NHSL1: variants seen among roughly 807,000 people sequenced by gnomAD.
The protein encoded by NHSL1 is NHS like 1.
NHSL1 carries 48 observed loss-of-function variants against 95.0 expected under a neutral mutation model. The observed-to-expected ratio is 0.51, with a 90% CI of 0.40 to 0.64. The LOEUF (loss-of-function observed/expected upper bound fraction) is 0.64, where lower values mean the gene tolerates loss of function less well. Among genes scored for constraint, NHSL1 ranks in the 30% least tolerant of loss-of-function variants. The pLI, the probability that NHSL1 is intolerant of heterozygous loss-of-function variation, is 0.00. For synonymous variants in NHSL1, 783 were observed against 833.9 expected (o/e 0.94, Z 1.05); for missense variants, 1,971 against 2,077.7 (o/e 0.95, Z 1.00).
intron 1 of NHSL1, among the ~76,000 whole-genome samples, chr6:138,677,337 C>A (rs1467961107): frequency 6.6e-6 from 1 of 152,098 alleles, no homozygotes; most frequent in Non-Finnish European, 1.5e-5. Context: ...AAAAGTATGT[C>A]CCTACCCTGT....
At chr6:138,434,552 T>A (rs945559596) in intron 5 of NHSL1, among the ~76,000 whole-genome samples, 8 of 149,070 alleles carry the variant, frequency 5.4e-5, no homozygotes, top group African/African-American at 1.7e-4. Flanking sequence ...AGAAAAAAAA[T>A]CACAAAGACA....
intron 1 of NHSL1, among the ~76,000 whole-genome samples, chr6:138,530,119 A>G (rs1402528558): frequency 6.6e-6 from 1 of 152,148 alleles, no homozygotes; most frequent in Admixed American, 6.5e-5. Context: ...ATGTGATGGT[A>G]TTAGGAGGTG....
At chr6:138,626,308 A>G (rs1256290014) in intron 1 of NHSL1, among the ~76,000 whole-genome samples, 3 of 152,232 alleles carry the variant, frequency 2.0e-5, no homozygotes, top group African/African-American at 7.2e-5. Flanking sequence ...ATGTTAATAC[A>G]GGAGTCTCTT....
intron 1 of NHSL1, among the ~76,000 whole-genome samples, chr6:138,683,491 C>A (rs945411791): frequency 1.3e-5 from 2 of 152,144 alleles, no homozygotes; most frequent in Admixed American, 6.5e-5. Flanking sequence ...ACTTTTGATG[C>A]GTGTCTCAAA....
intron 1 of NHSL1, among the ~76,000 whole-genome samples, chr6:138,641,225 C>A (rs1784955573): frequency 6.6e-6 from 1 of 152,196 alleles, no homozygotes; most frequent in African/African-American, 2.4e-5. Context: ...ATTACTAAAA[C>A]AAGCACTTAG....
intron 1 of NHSL1, among the ~76,000 whole-genome samples, chr6:138,687,162 C>T (rs1005655884): frequency 4.0e-5 from 6 of 151,876 alleles, no homozygotes; most frequent in Admixed American, 2.6e-4. Context: ...CAGTCAGACA[C>T]GGTGGCTCAC....
intron 1 of NHSL1, among the ~76,000 whole-genome samples, chr6:138,675,403 C>A (rs955463137): frequency 2.0e-5 from 3 of 152,162 alleles, no homozygotes; most frequent in African/African-American, 7.2e-5. Context: ...ACCCAAATCA[C>A]TCATGTTGTA....
At chr6:138,631,125 G>A (rs568266482) in intron 1 of NHSL1, among the ~76,000 whole-genome samples, 9 of 152,126 alleles carry the variant, frequency 5.9e-5, no homozygotes, top group South Asian at 2.1e-4. Context: ...AAGAAAATCC[G>A]GACCAAACTC....
intron 1 of NHSL1, among the ~76,000 whole-genome samples, chr6:138,673,558 G>A (rs1168197799): frequency 6.6e-6 from 1 of 151,970 alleles, no homozygotes; most frequent in Non-Finnish European, 1.5e-5. Context: ...AAGTCTAAAG[G>A]CTCTCACTGA....
At chr6:138,443,326 C>T (rs953201086) in intron 4 of NHSL1, among the ~76,000 whole-genome samples, 3 of 152,086 alleles carry the variant, frequency 2.0e-5, no homozygotes, top group African/African-American at 7.2e-5. Context: ...ACAACCTTGT[C>T]GCTAATGGAG....
intron 1 of NHSL1, 56 bp from the exon 2 acceptor site, chr6:138,496,427 A>C: frequency 1.3e-6 from 2 of 1,515,994 alleles, no homozygotes. Flanking sequence ...CTACGAGTTC[A>C]TTACATCATG....
intron 1 of NHSL1, chr6:138,650,754 A>T (rs1181155460): frequency 9.2e-6 from 5 of 545,328 alleles, no homozygotes; most frequent in Non-Finnish European, 1.9e-5. Flanking sequence ...CTCCTTCACA[A>T]CTTTCTTCAG....
chr6:138,642,536 G>C (rs1407955450), intron 1 of NHSL1, among the ~76,000 whole-genome samples: 1 of 152,226 alleles, frequency 6.6e-6, no homozygotes, highest in Non-Finnish European at 1.5e-5. Context: ...AGAAATCATG[G>C]AAAGTCAAAC....
At chr6:138,635,252 C>CG (rs1784872611) in intron 1 of NHSL1, among the ~76,000 whole-genome samples, 2 of 151,978 alleles carry the variant, frequency 1.3e-5, no homozygotes, top group African/African-American at 4.8e-5. Context: ...AAACATGAAA[C>CG]AAAACGTTGG....
chr6:138,675,991 A>G (rs1354621216), intron 1 of NHSL1, among the ~76,000 whole-genome samples: 3 of 152,214 alleles, frequency 2.0e-5, no homozygotes, highest in African/African-American at 7.2e-5. Context: ...CTTAAAAATT[A>G]ACTTCTGTAT....
At chr6:138,504,002 A>G (rs1384118067), upstream of NHSL1, among the ~76,000 whole-genome samples, 4 of 152,142 alleles carry the variant, frequency 2.6e-5, no homozygotes, top group African/African-American at 7.2e-5. Flanking sequence ...AGGCTGAGGC[A>G]GGAGGACTGC....
chr6:138,630,142 G>A (rs1784798689), intron 1 of NHSL1, among the ~76,000 whole-genome samples: 1 of 151,904 alleles, frequency 6.6e-6, no homozygotes, highest in Admixed American at 6.6e-5. Flanking sequence ...TTGAGCTTGG[G>A]AGTTAGAGGC....
intron 4 of NHSL1, 149 bp from the exon 5 acceptor site, chr6:138,442,263 A>G: frequency 1.3e-6 from 1 of 770,250 alleles, no homozygotes; most frequent in Non-Finnish European, 1.9e-6. Context: ...AGGGCAAAAA[A>G]GGAAGAAAAG....
At chr6:138,684,656 C>CA (rs1554260306) in intron 1 of NHSL1, among the ~76,000 whole-genome samples, 1 of 150,540 alleles carries the variant, frequency 6.6e-6, no homozygotes, top group African/African-American at 2.5e-5. Context: ...GAAAAACAAA[C>CA]AAACAAACAA....
Sources: gnomAD v4.1 joint callset for allele counts (sites outside exome capture counted in the v4.1 genomes callset) on GRCh38, gnomAD v4.1.1 for gene constraint, MANE v1.5 for transcripts, NCBI Gene and HGNC (gene_info 2026-07-23, HGNC 2026-07-21) for gene names.